The following NTNG1 variants were observed in gnomAD, a reference collection of about 807,000 sequenced individuals.
NTNG1 encodes netrin G1, also known as netrin-G1.
In NTNG1, 16 loss-of-function variants were observed where a neutral mutation model predicts 54.0. The observed-to-expected ratio is 0.30, with a 90% CI of 0.20 to 0.45. The LOEUF is 0.45. Among genes scored for constraint, NTNG1 ranks in the 20% least tolerant of loss-of-function variants. The pLI, the probability that NTNG1 is intolerant of heterozygous loss-of-function variation, is 1.00. For missense variants in NTNG1, 530 were observed against 678.7 expected (o/e 0.78, Z 2.43); for synonymous variants, 255 against 263.1 (o/e 0.97, Z 0.30).
At chr1:107,398,426 G>C (rs1672823319) in intron 4 of NTNG1, among the ~76,000 whole-genome samples, 1 of 152,118 alleles carries the variant, frequency 6.6e-6, no homozygotes, top group South Asian at 2.1e-4. Flanking sequence ...ACCATAGATG[G>C]GAACTTGCTG....
chr1:107,416,437 G>A (rs1299493440), intron 5 of NTNG1, among the ~76,000 whole-genome samples: 3 of 152,048 alleles, frequency 2.0e-5, no homozygotes, highest in Non-Finnish European at 4.4e-5. Context: ...TAAGTGAGGT[G>A]TCTATCTTGA....
At chr1:107,241,341 C>A (rs997387349) in intron 2 of NTNG1, among the ~76,000 whole-genome samples, 4 of 152,114 alleles carry the variant, frequency 2.6e-5, no homozygotes, top group Non-Finnish European at 5.9e-5. Context: ...CTAATGGGTT[C>A]TTGGACAGGA....
intron 5 of NTNG1, chr1:107,409,037 A>T (rs1673629824): frequency 6.6e-6 from 1 of 152,200 alleles, no homozygotes; most frequent in Admixed American, 6.6e-5. Flanking sequence ...AAATAGAAGT[A>T]GTGTTCACAT....
At chr1:107,366,815 C>T (rs1198564708) in intron 3 of NTNG1, among the ~76,000 whole-genome samples, 2 of 152,072 alleles carry the variant, frequency 1.3e-5, no homozygotes, top group South Asian at 2.1e-4. Flanking sequence ...CTAAAATATC[C>T]ATTTCAAGAT....
intron 2 of NTNG1, among the ~76,000 whole-genome samples, chr1:107,194,924 A>T (rs1658209358): frequency 6.6e-6 from 1 of 151,966 alleles, no homozygotes; most frequent in Admixed American, 6.6e-5. Context: ...GAGTATTTCT[A>T]TAGGGAAAAA....
At chr1:107,314,242 A>T (rs1667197040) in intron 2 of NTNG1, among the ~76,000 whole-genome samples, 1 of 152,010 alleles carries the variant, frequency 6.6e-6, no homozygotes. Context: ...GTCTCTACTA[A>T]AAATAGATTA....
intron 3 of NTNG1, among the ~76,000 whole-genome samples, chr1:107,337,732 A>G (rs1165938876): frequency 1.3e-5 from 2 of 152,034 alleles, no homozygotes; most frequent in Non-Finnish European, 2.9e-5. Flanking sequence ...CTCTGTCCTT[A>G]TGAAATCTTC....
chr1:107,277,565 A>G (rs1664560136), intron 2 of NTNG1, among the ~76,000 whole-genome samples: 1 of 152,256 alleles, frequency 6.6e-6, no homozygotes, highest in Non-Finnish European at 1.5e-5. Context: ...ACTTAAGTGA[A>G]CAAAATTAAA....
At chr1:107,348,659 T>C (rs959750313) in intron 3 of NTNG1, among the ~76,000 whole-genome samples, 1 of 152,140 alleles carries the variant, frequency 6.6e-6, no homozygotes, top group African/African-American at 2.4e-5. Flanking sequence ...AGTAAATTAA[T>C]TCAAATAAAC....
At chr1:107,346,246 T>C (rs1669218794) in intron 3 of NTNG1, among the ~76,000 whole-genome samples, 1 of 152,208 alleles carries the variant, frequency 6.6e-6, no homozygotes, top group African/African-American at 2.4e-5. Context: ...AATTTGGCAC[T>C]ATGAGGAAAC....
intron 2 of NTNG1, among the ~76,000 whole-genome samples, chr1:107,221,239 T>A (rs1250716905): frequency 2.0e-5 from 3 of 152,166 alleles, no homozygotes; most frequent in Admixed American, 2.0e-4. Context: ...AATATACTTA[T>A]TAGCTTTTTT....
At chr1:107,217,580 G>C (rs1426938111) in intron 2 of NTNG1, among the ~76,000 whole-genome samples, 1 of 152,034 alleles carries the variant, frequency 6.6e-6, no homozygotes, top group Non-Finnish European at 1.5e-5. Context: ...TTTTGATGTA[G>C]GCATTTAATG....
intron 7 of NTNG1, among the ~76,000 whole-genome samples, chr1:107,458,112 T>A (rs1677064045): frequency 6.6e-6 from 1 of 152,142 alleles, no homozygotes; most frequent in Non-Finnish European, 1.5e-5. Context: ...ATGCCTAATG[T>A]CAAATATTAA....
At chr1:107,347,589 A>C (rs1669327369) in intron 3 of NTNG1, among the ~76,000 whole-genome samples, 1 of 152,216 alleles carries the variant, frequency 6.6e-6, no homozygotes, top group Non-Finnish European at 1.5e-5. Flanking sequence ...AGTGTGCTGC[A>C]CTTGGTGTCT....
rs757714628 is a variant in NTNG1, at chr1:107,395,344, G to T, written c.1060+18G>T. On this transcript the variant is annotated intron_variant, in intron 4 of 7. Coordinates refer to ENST00000370068, the MANE Select transcript of NTNG1 (RefSeq NM_001113226.3). ...AAATACCTGTGAGTAACTTTGCTTG[G>T]TAACAGCATATTCTGTGCACCATGA... The T allele has an allele frequency of 1.2e-6, 2 of 1,606,414 alleles. No homozygotes were observed. The highest frequency in any genetic ancestry group is 2.7e-5 in the African/African-American group (2 of 74,704).
At chr1:107,419,538 C>T (rs1457852387) in intron 5 of NTNG1, among the ~76,000 whole-genome samples, 1 of 151,228 alleles carries the variant, frequency 6.6e-6, no homozygotes, top group African/African-American at 2.4e-5. Flanking sequence ...TTTATATTAA[C>T]ATCTAGCCTA....
At chr1:107,351,794 G>C (rs902187425) in intron 3 of NTNG1, among the ~76,000 whole-genome samples, 11 of 152,168 alleles carry the variant, frequency 7.2e-5, no homozygotes, top group Non-Finnish European at 1.3e-4. Flanking sequence ...CTGAGATAAG[G>C]CAAGTTCCTT....
intron 3 of NTNG1, among the ~76,000 whole-genome samples, chr1:107,337,879 T>C (rs923532242): frequency 2.6e-5 from 4 of 152,008 alleles, no homozygotes; most frequent in Admixed American, 1.3e-4. Flanking sequence ...AGAAAATAAG[T>C]TTTAGAGAAA....
chr1:107,446,533 C>T lies in NTNG1; in HGVS notation c.1390+9734C>T, dbSNP rs535288995. 1.8e-4 allele frequency among the ~76,000 whole-genome samples: 28 copies of T among 152,120 alleles called. 1 individual carries two copies. In the South Asian group the frequency reaches 5.2e-3, roughly 28 times the overall value. On this transcript the variant is annotated intron_variant, in intron 7 of 7. Coordinates refer to ENST00000370068, the MANE Select transcript of NTNG1 (RefSeq NM_001113226.3). ...TCACAGGGAAAAAATACATACAGAA[C>T]GTGTTCAGAATGTAGGTTTTTACCA...
Sources: allele counts gnomAD v4.1 joint callset (sites outside exome capture counted in the v4.1 genomes callset), GRCh38; gene constraint gnomAD v4.1.1; transcripts MANE v1.5; gene names NCBI Gene and HGNC (gene_info 2026-07-23, HGNC 2026-07-21).